PTPRD: variants seen among roughly 807,000 people sequenced by gnomAD.
PTPRD encodes protein tyrosine phosphatase receptor type D, also known as receptor-type tyrosine-protein phosphatase delta.
A neutral mutation model predicts 214.5 loss-of-function variants in PTPRD; 34 were observed. The ratio of observed to expected loss-of-function variants is 0.16; its 90% CI spans 0.12 to 0.21. The LOEUF (loss-of-function observed/expected upper bound fraction) is 0.21. Among genes scored for constraint, PTPRD ranks in the 10% least tolerant of loss-of-function variants. The pLI, the probability that PTPRD is intolerant of heterozygous loss-of-function variation, is 1.00. For missense variants in PTPRD, 2,545 were observed against 2,398.7 expected (o/e 1.06, Z -1.27); for synonymous variants, 1,128 against 845.7 (o/e 1.33, Z -5.79).
At chr9:8,330,900 T>TAGTTTAAATAAAATTAGATGAATTGC in intron 44 of PTPRD, among the ~76,000 whole-genome samples, 1 of 150,504 alleles carries the variant, frequency 6.6e-6, no homozygotes, top group Non-Finnish European at 1.5e-5. Flanking sequence ...TAAAATATAT[T>TAGTTTAAATAAAATTAGATGAATTGC]AGTTTAAATA....
At chr9:9,086,151 T>C (rs182698457) in intron 10 of PTPRD, among the ~76,000 whole-genome samples, 2 of 152,308 alleles carry the variant, frequency 1.3e-5, no homozygotes, top group East Asian at 1.9e-4. Flanking sequence ...CCAAATCGAA[T>C]TGAAGTGTGA....
At chr9:9,542,795 C>T (rs989058559) in intron 8 of PTPRD, among the ~76,000 whole-genome samples, 15 of 151,602 alleles carry the variant, frequency 9.9e-5, no homozygotes, top group African/African-American at 3.6e-4. Context: ...TTAAAATCAA[C>T]AATACAATTC....
chr9:8,633,308 A>G lies in PTPRD; in HGVS notation c.352+9T>C, dbSNP rs753658595. ...TGACACAAACGACAACCTTCACTTG[A>G]GCACTTACCCCGCAAAACTGTGAGT... On this transcript the variant is annotated intron_variant, in intron 14 of 45. Coordinates refer to ENST00000381196, the MANE Select transcript of PTPRD (RefSeq NM_002839.4). 1.2e-6 allele frequency: 2 copies of G among 1,609,536 alleles called. No homozygotes were observed. The highest frequency in any genetic ancestry group is 2.2e-5 in the East Asian group (1 of 44,812).
chr9:9,728,808 T>C, intron 7 of PTPRD, among the ~76,000 whole-genome samples: 1 of 152,286 alleles, frequency 6.6e-6, no homozygotes, highest in South Asian at 2.1e-4. Context: ...AGTAGACCAT[T>C]TTGAGTGTAG....
intron 33 of PTPRD, among the ~76,000 whole-genome samples, chr9:8,450,056 C>T (rs2095875385): frequency 6.6e-6 from 1 of 152,038 alleles, no homozygotes; most frequent in Non-Finnish European, 1.5e-5. Flanking sequence ...TCTCGAAGTC[C>T]TCCTCCAACT....
intron 9 of PTPRD, among the ~76,000 whole-genome samples, chr9:9,304,180 T>A (rs1374770932): frequency 6.6e-6 from 1 of 152,104 alleles, no homozygotes; most frequent in Non-Finnish European, 1.5e-5. Flanking sequence ...CCCTCAACAA[T>A]AGATTTTATA....
chr9:10,282,157 T>C (rs1304128228), intron 3 of PTPRD, among the ~76,000 whole-genome samples: 1 of 152,160 alleles, frequency 6.6e-6, no homozygotes, highest in African/African-American at 2.4e-5. Flanking sequence ...GAATCCAGAC[T>C]CTGCCACCTA....
At chr9:8,939,470 A>G (rs1390188433) in intron 11 of PTPRD, among the ~76,000 whole-genome samples, 5 of 152,080 alleles carry the variant, frequency 3.3e-5, no homozygotes, top group African/African-American at 9.7e-5. Flanking sequence ...ATTAGAATAA[A>G]GTATTATTTT....
At chr9:9,562,183 T>C (rs1486262163) in intron 8 of PTPRD, among the ~76,000 whole-genome samples, 1 of 152,172 alleles carries the variant, frequency 6.6e-6, no homozygotes, top group African/African-American at 2.4e-5. Context: ...AGCTCCACAG[T>C]TAAGTTCTTA....
intron 3 of PTPRD, among the ~76,000 whole-genome samples, chr9:10,192,559 A>G (rs1443309137): frequency 2.0e-5 from 3 of 151,262 alleles, no homozygotes; most frequent in Non-Finnish European, 3.0e-5. Context: ...GAGGACAGTG[A>G]TGGTACTTAG....
intron 11 of PTPRD, among the ~76,000 whole-genome samples, chr9:8,950,689 C>T (rs1444720182): frequency 6.6e-6 from 1 of 151,064 alleles, no homozygotes; most frequent in Non-Finnish European, 1.5e-5. Flanking sequence ...ACTATTAACA[C>T]TTAGAATTAT....
rs139889630 is a variant in PTPRD, at chr9:8,486,054, G to T, written c.2763C>A (p.Phe921Leu). 37 of 1,614,106 alleles carry T rather than the reference G, an allele frequency of 2.3e-5. No homozygotes were observed. The East Asian group carries it at 7.6e-4, about 33-fold the overall frequency. The change falls in exon 28 of 46, where the codon TTC becomes TTA. Residue 921 changes from phenylalanine (F) to leucine (L), a missense_variant. Coordinates refer to ENST00000381196, the MANE Select transcript of PTPRD (RefSeq NM_002839.4). Reference sequence around the variant, plus strand: ...TGCCTTCTGAGTGAAGGTTTTGAGGGAATCCAGTTGGTACTTCTTCTGGAA... The same window carrying T: ...TGCCTTCTGAGTGAAGGTTTTGAGGTAATCCAGTTGGTACTTCTTCTGGAA... The part of the protein sequence containing the change: ...ISIPEEVPTG[F>L]PQNLHSEGTT...
At chr9:9,788,300 C>T (rs1159657872) in intron 5 of PTPRD, among the ~76,000 whole-genome samples, 1 of 150,842 alleles carries the variant, frequency 6.6e-6, no homozygotes, top group African/African-American at 2.4e-5. Flanking sequence ...ACCTGTAATC[C>T]CAGCACTTTG....
At chr9:8,764,855 T>A (rs1336785864) in intron 11 of PTPRD, among the ~76,000 whole-genome samples, 1 of 151,264 alleles carries the variant, frequency 6.6e-6, no homozygotes, top group African/African-American at 2.4e-5. Context: ...TTGATGGCAA[T>A]AGAGATCACA....
At chr9:8,827,827 T>C (rs1342435489) in intron 11 of PTPRD, among the ~76,000 whole-genome samples, 1 of 152,180 alleles carries the variant, frequency 6.6e-6, no homozygotes, top group Non-Finnish European at 1.5e-5. Context: ...AATTAAGACA[T>C]AGCTAAATGA....
At chr9:9,993,713 A>G in intron 4 of PTPRD, among the ~76,000 whole-genome samples, 1 of 152,186 alleles carries the variant, frequency 6.6e-6, no homozygotes, top group East Asian at 1.9e-4. Context: ...TGACTGAAAT[A>G]CTAATTACAT....
chr9:9,022,355 G>C (rs1487156922), intron 10 of PTPRD, among the ~76,000 whole-genome samples: 2 of 152,014 alleles, frequency 1.3e-5, no homozygotes, highest in African/African-American at 2.4e-5. Flanking sequence ...AGTCCTGAAA[G>C]CTCCATTCAT....
chr9:8,458,001 G>C lies in PTPRD; in HGVS notation c.3875+2410C>G, dbSNP rs536253070. ...AAGAAGGACATTGTTGGTTCTACTT[G>C]AATTTCAAGTCAGGAATGTTCTTTA... On this transcript the variant is annotated intron_variant, in intron 33 of 45. Transcript: ENST00000381196. Among the ~76,000 whole-genome samples, 27 of 152,194 alleles carry C rather than the reference G, an allele frequency of 1.8e-4. 1 individual carries two copies. In the South Asian group the frequency reaches 5.6e-3, roughly 31 times the overall value.
chr9:9,695,051 G>A (rs537388470), intron 7 of PTPRD, among the ~76,000 whole-genome samples: 43 of 152,208 alleles, frequency 2.8e-4, no homozygotes, highest in African/African-American at 8.7e-4. Flanking sequence ...TGTAGCCACC[G>A]TAGCTGAGAG....
Sources: gnomAD v4.1 joint callset for allele counts (sites outside exome capture counted in the v4.1 genomes callset) on GRCh38, gnomAD v4.1.1 for gene constraint, MANE v1.5 for transcripts, NCBI Gene and HGNC (gene_info 2026-07-23, HGNC 2026-07-21) for gene names.